Variants in BZW2 observed in about 807,000 individuals in gnomAD.
BZW2 encodes the protein basic leucine zipper and W2 domains 2.
Under a neutral mutation model 53.2 loss-of-function variants are expected in BZW2, and 23 were observed. The observed-to-expected ratio is 0.43, with a 90% confidence interval of 0.31 to 0.61. The LOEUF (loss-of-function observed/expected upper bound fraction) is 0.61, where lower values mean the gene tolerates loss of function less well. Ranked by LOEUF, BZW2 falls within the 20% of genes least tolerant of loss-of-function variation. The probability of loss-of-function intolerance (pLI) is 0.09; values close to 1 mark genes in which losing one functional copy is unlikely to be tolerated. For synonymous variants in BZW2, 227 were observed against 186.4 expected (o/e 1.22, Z -1.77); for missense variants, 409 against 503.1 (o/e 0.81, Z 1.79).
intron 7 of BZW2, among the ~76,000 whole-genome samples, chr7:16,691,828 A>G (rs1245422854): frequency 1.3e-5 from 2 of 152,322 alleles, no homozygotes; most frequent in East Asian, 3.9e-4. Flanking sequence ...CATTTATAAA[A>G]TTCATTTTCT....
intron 1 of BZW2, among the ~76,000 whole-genome samples, chr7:16,658,944 G>T (rs548407648): frequency 2.0e-5 from 3 of 147,514 alleles, no homozygotes; most frequent in Admixed American, 6.8e-5. Context: ...TTCTTATCCT[G>T]AATAATATAA....
chr7:16,678,004 G>C (rs1415068677), intron 3 of BZW2, among the ~76,000 whole-genome samples: 1 of 151,692 alleles, frequency 6.6e-6, no homozygotes, highest in South Asian at 2.1e-4. Flanking sequence ...AGCCAGCTAG[G>C]TGCATTCTTC....
intron 5 of BZW2, among the ~76,000 whole-genome samples, chr7:16,685,195 G>C (rs2293395): frequency 0.21 from 31,448 of 152,048 alleles, 3,389 homozygotes; most frequent in East Asian, 0.38. Flanking sequence ...TGGGTTTTTC[G>C]TTTTATTTGC....
In BZW2 at chr7:16,682,794, C is replaced by T; in HGVS notation, c.354C>T (p.Leu118=). 3 of 1,571,920 alleles carry T rather than the reference C, an allele frequency of 1.9e-6. No individual in the cohort carries two copies. Among genetic ancestry groups the T allele is most frequent in the Non-Finnish European group, 2.6e-6 (3 of 1,154,568 alleles). ...IRNYAQVFNK[L]IRRYKYLEKA... ...TTTTTTTTTAGGTCTTCAATAAACTCATCAGGAGATATAAGTATTTGGAGA... is the reference window on the plus strand; with the variant it reads ...TTTTTTTTTAGGTCTTCAATAAACTTATCAGGAGATATAAGTATTTGGAGA... Residue 118 remains leucine, a synonymous_variant, in exon 5 of 12, where the codon CTC becomes CTT. Coordinates refer to ENST00000258761, the MANE Select transcript of BZW2 (RefSeq NM_014038.3).
chr7:16,650,423 G>A (rs961675142), intron 1 of BZW2, among the ~76,000 whole-genome samples: 10 of 152,142 alleles, frequency 6.6e-5, no homozygotes, highest in Admixed American at 2.6e-4. Context: ...TACCAAAACT[G>A]TTTCGAGCAA....
chr7:16,646,822 T>C (rs1256765467), intron 1 of BZW2, among the ~76,000 whole-genome samples: 1 of 151,934 alleles, frequency 6.6e-6, no homozygotes, highest in Non-Finnish European at 1.5e-5. Flanking sequence ...TTGTTAAAGA[T>C]GTTTGGAAAC....
At chr7:16,700,280 A>G (rs191878533) in intron 10 of BZW2, among the ~76,000 whole-genome samples, 86 of 152,298 alleles carry the variant, frequency 5.6e-4, no homozygotes, top group Non-Finnish European at 9.6e-4. Flanking sequence ...TCCCTGAGGA[A>G]TGATTGTTCC....
chr7:16,684,699 T>C (rs1783059005), intron 5 of BZW2, among the ~76,000 whole-genome samples: 1 of 152,208 alleles, frequency 6.6e-6, no homozygotes, highest in Non-Finnish European at 1.5e-5. Flanking sequence ...CTGATGCTCC[T>C]TGGAACTTAA....
intron 9 of BZW2, 49 bp downstream of exon 9, chr7:16,697,110 T>C (rs766498779): frequency 6.3e-7 from 1 of 1,579,516 alleles, no homozygotes; most frequent in East Asian, 2.3e-5. Context: ...AAACTGCAGC[T>C]TTTTTTGTTT....
chr7:16,646,845 C>A (rs780858090), intron 1 of BZW2, among the ~76,000 whole-genome samples: 1 of 152,148 alleles, frequency 6.6e-6, no homozygotes, highest in Non-Finnish European at 1.5e-5. Context: ...TTTACACTTG[C>A]ACTAATACTT....
At chr7:16,694,465 T>A (rs922788923) in intron 7 of BZW2, among the ~76,000 whole-genome samples, 64 of 151,896 alleles carry the variant, frequency 4.2e-4, no homozygotes, top group African/African-American at 1.5e-3. Context: ...AGGTCTCCCC[T>A]CCTCTTTTTT....
chr7:16,676,080 C>T (rs1004833849), intron 3 of BZW2, among the ~76,000 whole-genome samples: 7 of 151,834 alleles, frequency 4.6e-5, no homozygotes, highest in South Asian at 2.1e-4. Flanking sequence ...GATTCTCTCT[C>T]GAAAAGAAAA....
intron 1 of BZW2, among the ~76,000 whole-genome samples, chr7:16,663,955 A>G (rs1782341939): frequency 6.6e-6 from 1 of 152,230 alleles, no homozygotes; most frequent in Admixed American, 6.5e-5. Flanking sequence ...ATCCCTGTCC[A>G]TTAAGGTAAA....
intron 5 of BZW2, among the ~76,000 whole-genome samples, chr7:16,685,100 G>A (rs1457510810): frequency 6.6e-6 from 1 of 152,172 alleles, no homozygotes; most frequent in African/African-American, 2.4e-5. Context: ...ACAGTAGAAT[G>A]TAGTCAAAGC....
In BZW2 at chr7:16,706,166, A is replaced by T; in HGVS notation, c.*78A>T. On this transcript the variant is annotated 3_prime_UTR_variant, in exon 12 of 12. Coordinates refer to ENST00000258761, the MANE Select transcript of BZW2 (RefSeq NM_014038.3). ...AATGCTGAACCATTTGAGAAGAGAA[A>T]CTTGGCTTCTGTTTTCGCAAAGGAA... 6.7e-7 allele frequency: 1 copy of T among 1,492,444 alleles called. No individual in the cohort carries two copies. The highest frequency in any genetic ancestry group is 9.2e-7 in the Non-Finnish European group (1 of 1,088,452). 92.5% of individuals were successfully genotyped at this position (1,492,444 alleles called of 1,614,324 possible). A position where few individuals can be genotyped will look rare whatever the true frequency, so the allele number is the denominator to read the frequency against.
intron 2 of BZW2, 52 bp from the exon 3 acceptor site, chr7:16,674,360 T>G: frequency 7.3e-7 from 1 of 1,361,822 alleles, no homozygotes; most frequent in East Asian, 2.4e-5. Context: ...ATTGTTATAC[T>G]CTCAGTATTT....
In BZW2 at chr7:16,646,449, C is replaced by G. The variant is rs370400660; in HGVS notation, c.-8+161C>G. 17 of 161,222 alleles carry G rather than the reference C, an allele frequency of 1.1e-4. No homozygotes were observed. In the South Asian group the frequency reaches 1.4e-3, roughly 14 times the overall value. The allele number at this position is 161,222 out of a possible 1,614,324, so 10.0% of individuals were successfully genotyped here. On this transcript the variant is annotated intron_variant, in intron 1 of 11. Transcript: ENST00000258761. Reference sequence around the variant, plus strand: ...CGGTGGAGAAGCCCCCGCTCCACCTCATCATCACGGCGCGTACGGGGTATC... The same window carrying G: ...CGGTGGAGAAGCCCCCGCTCCACCTGATCATCACGGCGCGTACGGGGTATC...
At chr7:16,693,802 C>T (rs1418917158) in intron 7 of BZW2, among the ~76,000 whole-genome samples, 3 of 152,182 alleles carry the variant, frequency 2.0e-5, no homozygotes, top group African/African-American at 7.2e-5. Context: ...CTCCCACCAG[C>T]TCTCTTCTGA....
intron 7 of BZW2, among the ~76,000 whole-genome samples, chr7:16,691,141 G>A (rs1783289472): frequency 6.6e-6 from 1 of 152,120 alleles, no homozygotes; most frequent in Non-Finnish European, 1.5e-5. Flanking sequence ...TTAGATTATG[G>A]TAAAAAAGGT....
Sources: allele counts gnomAD v4.1 joint callset (sites outside exome capture counted in the v4.1 genomes callset), GRCh38; gene constraint gnomAD v4.1.1; transcripts MANE v1.5; gene names NCBI Gene and HGNC (gene_info 2026-07-23, HGNC 2026-07-21).